Variants in PTN observed in about 807,000 individuals in gnomAD.
PTN encodes pleiotrophin, also known as heparin affin regulatory protein.
PTN carries 18 observed loss-of-function variants against 24.1 expected under a neutral mutation model. That is an observed-to-expected ratio of 0.75 (90% CI 0.52 to 1.11). The LOEUF (loss-of-function observed/expected upper bound fraction) is 1.11, where lower values mean the gene tolerates loss of function less well. PTN is among the 50% of genes least tolerant of loss of function. PTN has a pLI of 0.00. For synonymous variants in PTN, 78 were observed against 68.6 expected (o/e 1.14, Z -0.67); for missense variants, 163 against 198.8 (o/e 0.82, Z 1.08).
rs574822573 is a variant in PTN, at chr7:137,312,787, C to T, written c.-2+30652G>A. Among the ~76,000 whole-genome samples the T allele has an allele frequency of 7.2e-5, 11 of 152,066 alleles. No homozygotes were observed. The South Asian group carries it at 1.5e-3, about 20-fold the overall frequency. ...CTCCAGTTTAAAACAACTACCCATA[C>T]GACAAATGTATAAAACATATATATT... On this transcript the variant is annotated intron_variant, in intron 1 of 4. Transcript: ENST00000348225.
intron 1 of PTN, among the ~76,000 whole-genome samples, chr7:137,282,470 T>A (rs146377684): frequency 2.0e-5 from 3 of 152,162 alleles, no homozygotes; most frequent in African/African-American, 7.2e-5. Flanking sequence ...GTACAAGCAG[T>A]AGCAGAGAAG....
At chr7:137,280,871 CAAA>C (rs545644934) in intron 1 of PTN, among the ~76,000 whole-genome samples, 10 of 65,720 alleles carry the variant, frequency 1.5e-4, no homozygotes, top group Admixed American at 3.6e-4. Flanking sequence ...GACTTTGTCT[CAAA>C]AAAAAAAAAA....
chr7:137,268,877 C>T (rs1005850979), intron 1 of PTN, among the ~76,000 whole-genome samples: 1 of 152,172 alleles, frequency 6.6e-6, no homozygotes, highest in African/African-American at 2.4e-5. Flanking sequence ...AGTTCTGTCA[C>T]CTCATTGCTG....
chr7:137,321,476 T>A (rs1280197655), intron 1 of PTN, among the ~76,000 whole-genome samples: 1 of 152,220 alleles, frequency 6.6e-6, no homozygotes, highest in African/African-American at 2.4e-5. Flanking sequence ...AATTGCAAAA[T>A]TAGTGGCAAT....
At chr7:137,251,477 T>G in intron 3 of PTN, 86 bp from the exon 4 acceptor site, 1 of 1,419,068 alleles carries the variant, frequency 7.0e-7, no homozygotes, top group Non-Finnish European at 9.8e-7. Flanking sequence ...TGTTTGTAAC[T>G]TTTTTATTGA....
intron 1 of PTN, among the ~76,000 whole-genome samples, chr7:137,305,171 G>A (rs1232042358): frequency 6.6e-6 from 1 of 151,938 alleles, no homozygotes; most frequent in Admixed American, 6.6e-5. Flanking sequence ...ATAAAAATCG[G>A]CACTAAATTC....
chr7:137,244,015 C>A (rs1266578617), intron 4 of PTN, among the ~76,000 whole-genome samples: 1 of 152,110 alleles, frequency 6.6e-6, no homozygotes, highest in Non-Finnish European at 1.5e-5. Context: ...TTTTGCTTAA[C>A]GAGCTAGAGT....
chr7:137,342,127 CTACATATCA>C (rs1205841189), intron 1 of PTN, among the ~76,000 whole-genome samples: 1 of 152,122 alleles, frequency 6.6e-6, no homozygotes, highest in Non-Finnish European at 1.5e-5. Flanking sequence ...TTCAATATTT[CTACATATCA>C]ATGCATTCCC....
At chr7:137,337,179 G>C (rs1267120219) in intron 1 of PTN, among the ~76,000 whole-genome samples, 1 of 152,176 alleles carries the variant, frequency 6.6e-6, no homozygotes. Context: ...GATAAACATT[G>C]AAGACAGGGA....
At chr7:137,275,758 A>C (rs1180900589) in intron 1 of PTN, among the ~76,000 whole-genome samples, 1 of 152,186 alleles carries the variant, frequency 6.6e-6, no homozygotes, top group Non-Finnish European at 1.5e-5. Flanking sequence ...ACAAATCCAT[A>C]ATCATTCAAC....
chr7:137,256,834 C>G (rs1173689892), intron 1 of PTN, among the ~76,000 whole-genome samples: 2 of 151,776 alleles, frequency 1.3e-5, no homozygotes, highest in Non-Finnish European at 2.9e-5. Flanking sequence ...AAACAAAAAC[C>G]CCATCAAAAA....
chr7:137,246,453 T>G (rs568974495), intron 4 of PTN, among the ~76,000 whole-genome samples: 1 of 152,330 alleles, frequency 6.6e-6, no homozygotes, highest in South Asian at 2.1e-4. Flanking sequence ...TGTTGTTAAG[T>G]GACACATGAC....
chr7:137,275,031 G>A (rs1809339437), intron 1 of PTN, among the ~76,000 whole-genome samples: 1 of 152,190 alleles, frequency 6.6e-6, no homozygotes, highest in African/African-American at 2.4e-5. Flanking sequence ...AGAGTACAGT[G>A]AGATAACATA....
At chr7:137,267,124 T>G (rs1024378436) in intron 1 of PTN, among the ~76,000 whole-genome samples, 1 of 152,204 alleles carries the variant, frequency 6.6e-6, no homozygotes, top group Admixed American at 6.5e-5. Flanking sequence ...TGTATTTTTC[T>G]TAACTACTTG....
rs138775156 is a variant in PTN, at chr7:137,332,395, A to AAAAC, written c.-2+11043_-2+11044insGTTT. The stretch of plus-strand genomic sequence containing the variant: ...ATAAGAAACATCATAATGGAAAAAA[A>AAAAC]AATATTTCATTATTTTTCACATGGT... On this transcript the variant is annotated intron_variant, in intron 1 of 4. Coordinates refer to ENST00000348225, the MANE Select transcript of PTN (RefSeq NM_002825.7). Among the ~76,000 whole-genome samples, 319 of 151,884 alleles carry AAAAC rather than the reference A, an allele frequency of 2.1e-3. 2 individuals are homozygous for AAAAC. The highest frequency in any genetic ancestry group is 0.014 in the Middle Eastern group (4 of 294).
At chr7:137,342,530 T>TGA (rs1285132110) in intron 1 of PTN, among the ~76,000 whole-genome samples, 1 of 70,694 alleles carries the variant, frequency 1.4e-5, no homozygotes, top group Non-Finnish European at 4.4e-5. Flanking sequence ...TGTGTTCCTG[T>TGA]GTGTGTGTGT....
chr7:137,339,688 C>G (rs1240667728), intron 1 of PTN, among the ~76,000 whole-genome samples: 1 of 151,950 alleles, frequency 6.6e-6, no homozygotes, highest in Non-Finnish European at 1.5e-5. Flanking sequence ...GGCAGGCATT[C>G]CTGGTACATC....
chr7:137,289,105 A>G (rs188209966), intron 1 of PTN, among the ~76,000 whole-genome samples: 1 of 152,316 alleles, frequency 6.6e-6, no homozygotes, highest in African/African-American at 2.4e-5. Flanking sequence ...AAGAGAATCA[A>G]AGAGGTTCAG....
intron 1 of PTN, among the ~76,000 whole-genome samples, chr7:137,287,271 C>T (rs988744844): frequency 6.6e-6 from 1 of 152,156 alleles, no homozygotes; most frequent in Non-Finnish European, 1.5e-5. Context: ...TTGCTGTCAC[C>T]TCTACTTATA....
Sources: allele counts gnomAD v4.1 joint callset (sites outside exome capture counted in the v4.1 genomes callset), GRCh38; gene constraint gnomAD v4.1.1; transcripts MANE v1.5; gene names NCBI Gene and HGNC (gene_info 2026-07-23, HGNC 2026-07-21).